The following FHIT variants were observed in gnomAD, a reference collection of about 807,000 sequenced individuals.
The protein encoded by FHIT is fragile histidine triad diadenosine triphosphatase, also known as bis(5'-adenosyl)-triphosphatase.
A neutral mutation model predicts 17.9 loss-of-function variants in FHIT; 19 were observed. That is an observed-to-expected ratio of 1.06 (90% CI 0.74 to 1.56). The LOEUF (loss-of-function observed/expected upper bound fraction) is 1.56, where lower values mean the gene tolerates loss of function less well. Ranked by LOEUF, FHIT falls within the 40% of genes most tolerant of loss-of-function variation. The probability of loss-of-function intolerance (pLI) is 0.00; values close to 1 mark genes in which losing one functional copy is unlikely to be tolerated. For missense variants in FHIT, 248 were observed against 189.2 expected, an observed-to-expected ratio of 1.31 and a Z score of -1.82; for synonymous variants, 81 against 69.7, an observed-to-expected ratio of 1.16 and a Z score of -0.81.
intron 3 of FHIT, among the ~76,000 whole-genome samples, chr3:60,907,848 C>G (rs1706518368): frequency 6.6e-6 from 1 of 152,178 alleles, no homozygotes; most frequent in African/African-American, 2.4e-5. Context: ...GCAATACTAA[C>G]TCATTTAATC....
At chr3:60,620,412 G>A (rs2039086911) in intron 4 of FHIT, among the ~76,000 whole-genome samples, 1 of 152,148 alleles carries the variant, frequency 6.6e-6, no homozygotes, top group East Asian at 1.9e-4. Context: ...CCTTCAGTAA[G>A]TGAATGAATA....
intron 5 of FHIT, among the ~76,000 whole-genome samples, chr3:60,445,129 T>A (rs945942052): frequency 6.6e-6 from 1 of 152,118 alleles, no homozygotes; most frequent in South Asian, 2.1e-4. Context: ...CAAATACTAA[T>A]GCACGTAAGT....
chr3:60,302,825 C>T (rs1385456065), intron 5 of FHIT, among the ~76,000 whole-genome samples: 3 of 152,064 alleles, frequency 2.0e-5, no homozygotes, highest in African/African-American at 4.8e-5. Context: ...TGGCTAGGCT[C>T]AAATGGGGGC....
rs74717472 is a variant in FHIT at position 61,195,637 on chromosome 3, T to A, written c.-164+4980A>T. 3.0e-4 allele frequency among the ~76,000 whole-genome samples: 46 copies of A among 152,186 alleles called. 1 individual carries two copies. The East Asian group carries it at 8.7e-3, about 29-fold the overall frequency. On this transcript the variant is annotated intron_variant, in intron 2 of 9. Transcript: ENST00000492590. Reference sequence around the variant, plus strand: ...AATCTCTGAAGATAGAACTCAGAAATTTTTTTTAAGTAGCCATCAGGATAA... The same window carrying A: ...AATCTCTGAAGATAGAACTCAGAAAATTTTTTTAAGTAGCCATCAGGATAA...
chr3:60,878,266 AAG>A (rs1704765491), intron 3 of FHIT, among the ~76,000 whole-genome samples: 1 of 152,066 alleles, frequency 6.6e-6, no homozygotes, highest in African/African-American at 2.4e-5. Context: ...CCCAGGACCC[AAG>A]AGCCACAATA....
At chr3:61,188,627 A>C (rs1429757551) in intron 2 of FHIT, among the ~76,000 whole-genome samples, 11 of 152,200 alleles carry the variant, frequency 7.2e-5, no homozygotes, top group African/African-American at 1.9e-4. Context: ...GAGACACAAC[A>C]AAAAAAGAGA....
chr3:60,189,717 C>T (rs145284643), intron 5 of FHIT, among the ~76,000 whole-genome samples: 2 of 152,146 alleles, frequency 1.3e-5, no homozygotes, highest in Admixed American at 6.5e-5. Flanking sequence ...TGACATGAAT[C>T]GTTTTTCAGC....
At chr3:60,126,346 C>G (rs992454631) in intron 5 of FHIT, among the ~76,000 whole-genome samples, 2 of 152,140 alleles carry the variant, frequency 1.3e-5, no homozygotes, top group African/African-American at 4.8e-5. Context: ...AAGAAGTTCT[C>G]TGGAGCGCAG....
intron 1 of FHIT, among the ~76,000 whole-genome samples, chr3:61,241,256 A>C (rs1282236703): frequency 6.6e-6 from 1 of 152,092 alleles, no homozygotes; most frequent in African/African-American, 2.4e-5. Context: ...GGACTGAAAC[A>C]ATCTTACTCT....
chr3:60,237,178 G>A (rs1272495537), intron 5 of FHIT, among the ~76,000 whole-genome samples: 1 of 151,678 alleles, frequency 6.6e-6, no homozygotes, highest in Non-Finnish European at 1.5e-5. Flanking sequence ...TGAAGGGTAT[G>A]CACAGACTGG....
At chr3:60,787,860 T>G (rs1246919571) in intron 4 of FHIT, among the ~76,000 whole-genome samples, 2 of 152,202 alleles carry the variant, frequency 1.3e-5, no homozygotes, top group African/African-American at 4.8e-5. Context: ...ATCTATTAAA[T>G]GCCAGGTTGT....
In FHIT at chr3:60,861,224, T is replaced by C. The variant is rs201579339; in HGVS notation, c.-110-39213A>G. ...TATGATATATATGATATATATGATA[T>C]ATATGATATATCATATCATATATGA... is the stretch of plus-strand genomic sequence containing the variant. On this transcript the variant is annotated intron_variant, in intron 3 of 9. Coordinates refer to ENST00000492590, the MANE Select transcript of FHIT (RefSeq NM_002012.4). Among the ~76,000 whole-genome samples, 82 of 32,506 alleles carry C rather than the reference T, an allele frequency of 2.5e-3. 4 individuals carry two copies. The highest frequency in any genetic ancestry group is 5.9e-3 in the African/African-American group (66 of 11,226). The allele number at this position is 32,506 out of a possible 152,430, so 21.3% of individuals were successfully genotyped here.
intron 5 of FHIT, among the ~76,000 whole-genome samples, chr3:60,313,524 A>G (rs1350263557): frequency 2.0e-5 from 3 of 152,162 alleles, no homozygotes; most frequent in Non-Finnish European, 4.4e-5. Context: ...TTTAGTTCAA[A>G]CCCTGTCACT....
chr3:60,405,260 C>G (rs1327318022), intron 5 of FHIT, among the ~76,000 whole-genome samples: 1 of 152,176 alleles, frequency 6.6e-6, no homozygotes, highest in East Asian at 1.9e-4. Context: ...GCTACCCTTT[C>G]CTAATTGGTT....
chr3:60,568,935 T>C (rs941275222), intron 4 of FHIT, among the ~76,000 whole-genome samples: 1 of 152,186 alleles, frequency 6.6e-6, no homozygotes, highest in Admixed American at 6.6e-5. Context: ...TTGAATATTT[T>C]TTCAAGAAAA....
chr3:61,162,132 T>C (rs766016331), intron 2 of FHIT, among the ~76,000 whole-genome samples: 1 of 152,190 alleles, frequency 6.6e-6, no homozygotes, highest in Non-Finnish European at 1.5e-5. Flanking sequence ...GACCAAATGA[T>C]TATCCTTCTT....
intron 1 of FHIT, among the ~76,000 whole-genome samples, chr3:61,230,795 T>C (rs2040080639): frequency 6.6e-6 from 1 of 152,170 alleles, no homozygotes; most frequent in African/African-American, 2.4e-5. Flanking sequence ...CTATCTCACT[T>C]CCTAATTCAA....
intron 5 of FHIT, among the ~76,000 whole-genome samples, chr3:60,204,459 T>G (rs1255423683): frequency 9.1e-6 from 1 of 110,074 alleles, no homozygotes; most frequent in African/African-American, 3.7e-5. Flanking sequence ...TTTTTTTTTG[T>G]TTTGTTTTTT....
At chr3:60,221,972 G>A (rs1012458131) in intron 5 of FHIT, among the ~76,000 whole-genome samples, 4 of 151,806 alleles carry the variant, frequency 2.6e-5, no homozygotes, top group African/African-American at 7.3e-5. Flanking sequence ...ACAGAAATTC[G>A]CATTCCATTA....
Sources: gnomAD v4.1 joint callset for allele counts (sites outside exome capture counted in the v4.1 genomes callset) on GRCh38, gnomAD v4.1.1 for gene constraint, MANE v1.5 for transcripts, NCBI Gene and HGNC (gene_info 2026-07-23, HGNC 2026-07-21) for gene names.